The following ERO1B variants were observed in gnomAD, a reference collection of about 807,000 sequenced individuals.
ERO1B encodes the protein endoplasmic reticulum oxidoreductase 1 beta, also known as ERO1-like protein beta.
A neutral mutation model predicts 75.3 loss-of-function variants in ERO1B; 49 were observed. The observed-to-expected ratio is 0.65, with a 90% CI of 0.52 to 0.83. ERO1B has a LOEUF of 0.83. Among genes scored for constraint, ERO1B ranks in the 40% least tolerant of loss-of-function variants. The pLI is 0.00. For missense variants in ERO1B, 512 were observed against 560.1 expected, an observed-to-expected ratio of 0.91 and a Z score of 0.87; for synonymous variants, 191 against 192.9, an observed-to-expected ratio of 0.99 and a Z score of 0.08.
chr1:236,253,325 CA>C, intron 3 of ERO1B, 96 bp downstream of exon 3: 1 of 722,736 alleles, frequency 1.4e-6, no homozygotes, highest in South Asian at 1.8e-5. Context: ...CTGACACATC[CA>C]AATCCATTGA....
At position 236,269,865 on chromosome 1, in the gene ERO1B, A is replaced by G; in HGVS notation, c.222+10T>C. Reference sequence around the variant, plus strand: ...TTTGATATCAACAGAATAAAAAATTACAACCTTACCTTGTAATAACGAAAA... The same window carrying G: ...TTTGATATCAACAGAATAAAAAATTGCAACCTTACCTTGTAATAACGAAAA... On this transcript the variant is annotated intron_variant, in intron 2 of 15. Transcript: ENST00000354619. The G allele has an allele frequency of 6.4e-7, 1 of 1,574,398 alleles. No homozygotes were observed. The highest frequency in any genetic ancestry group is 8.7e-7 in the Non-Finnish European group (1 of 1,145,918).
chr1:236,231,861 G>A (rs1446170516), intron 9 of ERO1B, among the ~76,000 whole-genome samples: 1 of 152,046 alleles, frequency 6.6e-6, no homozygotes, highest in Non-Finnish European at 1.5e-5. Flanking sequence ...AGTGCCAACA[G>A]GAAAAGTCTA....
chr1:236,243,863 T>TA (rs1474501607), intron 5 of ERO1B, among the ~76,000 whole-genome samples: 1 of 152,152 alleles, frequency 6.6e-6, no homozygotes, highest in African/African-American at 2.4e-5. Context: ...CCGAAGTAAT[T>TA]AAATTTATTT....
At chr1:236,271,677 TAATTA>T (rs921860644) in intron 1 of ERO1B, among the ~76,000 whole-genome samples, 1 of 151,562 alleles carries the variant, frequency 6.6e-6, no homozygotes, top group African/African-American at 2.4e-5. Context: ...ATATAATATA[TAATTA>T]AATAACAAAA....
In ERO1B at chr1:236,281,850, C is replaced by A; in HGVS notation, c.-67G>T. ...GCCGGGGAACGACGGGCGGCCCAGG[C>A]GACGACCCAAGGGGACGGTTCCCAG... On this transcript the variant is annotated 5_prime_UTR_variant, in exon 1 of 16. Transcript: ENST00000354619. 6.5e-6 allele frequency: 8 copies of A among 1,224,514 alleles called. No individual in the cohort carries two copies. Among genetic ancestry groups the A allele is most frequent in the Non-Finnish European group, 8.5e-6 (8 of 941,844 alleles). The allele number at this position is 1,224,514 out of a possible 1,614,324, so 75.9% of individuals were successfully genotyped here. A position where few individuals can be genotyped will look rare whatever the true frequency, so the allele number is the denominator to read the frequency against.
intron 6 of ERO1B, among the ~76,000 whole-genome samples, chr1:236,239,905 A>ATT: frequency 8.1e-6 from 1 of 124,054 alleles, no homozygotes; most frequent in South Asian, 2.7e-4. Context: ...ATATATATAT[A>ATT]TATATATTTT....
intron 15 of ERO1B, 113 bp downstream of exon 15, chr1:236,220,718 TA>T: frequency 2.1e-5 from 19 of 917,292 alleles, no homozygotes; most frequent in Non-Finnish European, 2.2e-5. Context: ...AGATACAATA[TA>T]AAATTTTTTT....
chr1:236,262,950 G>A (rs764654609), intron 2 of ERO1B, among the ~76,000 whole-genome samples: 41 of 152,152 alleles, frequency 2.7e-4, no homozygotes, highest in Non-Finnish European at 5.0e-4. Flanking sequence ...ACCAACTGAT[G>A]GAGAGATATA....
At chr1:236,238,613 T>C (rs949525236) in intron 6 of ERO1B, among the ~76,000 whole-genome samples, 1 of 151,290 alleles carries the variant, frequency 6.6e-6, no homozygotes, top group South Asian at 2.1e-4. Flanking sequence ...TTCTAAGTTG[T>C]ATAGTTTTAA....
chr1:236,268,726 A>T (rs1032587015), intron 2 of ERO1B, among the ~76,000 whole-genome samples: 1 of 151,878 alleles, frequency 6.6e-6, no homozygotes, highest in Non-Finnish European at 1.5e-5. Flanking sequence ...CTCTACTAAA[A>T]ATACAAAATA....
chr1:236,279,231 G>A (rs1170617202), intron 1 of ERO1B, among the ~76,000 whole-genome samples: 9 of 152,158 alleles, frequency 5.9e-5, no homozygotes, highest in East Asian at 1.9e-4. Flanking sequence ...GGCCAGGCAC[G>A]GTGGCTCACG....
chr1:236,260,837 A>C (rs2695071), intron 2 of ERO1B, among the ~76,000 whole-genome samples: 37,458 of 151,670 alleles, frequency 0.25, 4,802 homozygotes, highest in East Asian at 0.38. Flanking sequence ...CGAAGGCAGA[A>C]AAAGACACTA....
chr1:236,241,873 C>T (rs914719849), intron 6 of ERO1B, among the ~76,000 whole-genome samples: 1 of 151,940 alleles, frequency 6.6e-6, no homozygotes, highest in Admixed American at 6.6e-5. Flanking sequence ...TCAAGACCAT[C>T]CTGGCTAACA....
chr1:236,241,001 A>C (rs191911252), intron 6 of ERO1B, among the ~76,000 whole-genome samples: 1 of 152,256 alleles, frequency 6.6e-6, no homozygotes, highest in African/African-American at 2.4e-5. Flanking sequence ...AACAACAAAA[A>C]AGAGTGGTAG....
chr1:236,231,084 C>T (rs527831343), intron 9 of ERO1B, among the ~76,000 whole-genome samples: 141 of 118,060 alleles, frequency 1.2e-3, no homozygotes, highest in African/African-American at 3.1e-3. Flanking sequence ...TTAACACAAA[C>T]GTCCAACTAT....
Position 236,230,932 on chromosome 1 carries a change from T to A in ERO1B, c.686-682A>T, listed in dbSNP as rs544956076. ...CAACATAGCAAGATCCTGCCTCTTT[T>A]AAAAAAAAAAAGTATATAAATCTTA... is the stretch of plus-strand genomic sequence containing the variant. On this transcript the variant is annotated intron_variant, in intron 9 of 15. Transcript: ENST00000354619. Among the ~76,000 whole-genome samples, 51 of 147,172 alleles carry A rather than the reference T, an allele frequency of 3.5e-4. 1 individual carries two copies. The East Asian group carries it at 7.7e-3, about 22-fold the overall frequency.
intron 2 of ERO1B, among the ~76,000 whole-genome samples, chr1:236,256,953 C>T (rs1366001658): frequency 1.3e-5 from 2 of 152,180 alleles, no homozygotes; most frequent in Non-Finnish European, 2.9e-5. Context: ...AGAATACAGG[C>T]ATCTGCCTCA....
chr1:236,262,597 G>T (rs189377386), intron 2 of ERO1B, among the ~76,000 whole-genome samples: 2 of 151,956 alleles, frequency 1.3e-5, no homozygotes, highest in Non-Finnish European at 2.9e-5. Flanking sequence ...TAGAGATGGG[G>T]TTTCACCATG....
At chr1:236,231,656 T>A (rs1002261239) in intron 9 of ERO1B, among the ~76,000 whole-genome samples, 1 of 151,892 alleles carries the variant, frequency 6.6e-6, no homozygotes, top group Non-Finnish European at 1.5e-5. Flanking sequence ...TTGAGAATGA[T>A]AGAAATTATA....
Sources: gnomAD v4.1 joint callset for allele counts (sites outside exome capture counted in the v4.1 genomes callset) on GRCh38, gnomAD v4.1.1 for gene constraint, MANE v1.5 for transcripts, NCBI Gene and HGNC (gene_info 2026-07-23, HGNC 2026-07-21) for gene names.